CRB1: variants seen among roughly 807,000 people sequenced by gnomAD.
The protein encoded by CRB1 is protein crumbs homolog 1.
In CRB1, 83 loss-of-function variants were observed where a neutral mutation model predicts 120.0. That is an observed-to-expected ratio of 0.69 (90% CI 0.58 to 0.83). The LOEUF (loss-of-function observed/expected upper bound fraction) is 0.83. Among genes scored for constraint, CRB1 ranks in the 40% least tolerant of loss-of-function variants. CRB1 has a pLI of 0.00. For synonymous variants in CRB1, 625 were observed against 612.5 expected, an observed-to-expected ratio of 1.02 and a Z score of -0.30; for missense variants, 1,699 against 1,687.6, an observed-to-expected ratio of 1.01 and a Z score of -0.12.
intron 4 of CRB1, 21 bp downstream of exon 4, chr1:197,347,500 C>A: frequency 1.2e-6 from 2 of 1,612,426 alleles, no homozygotes; most frequent in African/African-American, 2.7e-5. Flanking sequence ...AAATACCTTC[C>A]ACCAATTATT....
At chr1:197,288,186 A>T (rs917560666) in intron 1 of CRB1, among the ~76,000 whole-genome samples, 8 of 151,828 alleles carry the variant, frequency 5.3e-5, no homozygotes, top group Admixed American at 5.3e-4. Context: ...ATATCAGCAC[A>T]TGCATGTAAG....
intron 5 of CRB1, among the ~76,000 whole-genome samples, chr1:197,397,666 A>C (rs1239574055): frequency 6.6e-6 from 1 of 152,188 alleles, no homozygotes; most frequent in African/African-American, 2.4e-5. Flanking sequence ...AACAACAAAG[A>C]ATAATCTCAA....
chr1:197,320,148 G>T (rs1229079439), intron 1 of CRB1, among the ~76,000 whole-genome samples: 4 of 152,174 alleles, frequency 2.6e-5, no homozygotes, highest in Admixed American at 1.3e-4. Flanking sequence ...TAGCCTTAAA[G>T]ATATGCATTT....
At chr1:197,397,935 G>T (rs2125426526) in intron 5 of CRB1, among the ~76,000 whole-genome samples, 1 of 152,194 alleles carries the variant, frequency 6.6e-6, no homozygotes, top group Non-Finnish European at 1.5e-5. Context: ...AATTATAAGT[G>T]AATTACATAT....
At chr1:197,255,615 G>A in the CRB1 span, among the ~76,000 whole-genome samples, 1 of 152,044 alleles carries the variant, frequency 6.6e-6, no homozygotes, top group South Asian at 2.1e-4. Flanking sequence ...TGCCTGTTTT[G>A]GAGAAAAAAG....
At chr1:197,257,013 C>T in the CRB1 span, among the ~76,000 whole-genome samples, 1 of 150,186 alleles carries the variant, frequency 6.7e-6, no homozygotes, top group African/African-American at 2.5e-5. Context: ...CCATGATATG[C>T]CATCTGCAAA....
At position 197,429,460 on chromosome 1, in the gene CRB1, T is replaced by A. The variant is rs62636273; in HGVS notation, c.2688T>A (p.Cys896Ter). ...TCTTTTCTGCTCAGTCCAACCCCTGTCACAATGGAGGTGTTTGCCATTCCC... is the reference window on the plus strand; with the variant it reads ...TCTTTTCTGCTCAGTCCAACCCCTGACACAATGGAGGTGTTTGCCATTCCC... ...AGDNSCKSNPCHNGGVCHSRW... is the reference protein window; with the variant it reads ...AGDNSCKSNP Residue 896 changes from cysteine (C) to a stop codon, truncating the protein, a stop_gained, in exon 8 of 12, where the codon TGT (cysteine) becomes TGA (stop). Transcript: ENST00000367400. LOFTEE classifies it high-confidence loss of function. 7.9e-5 allele frequency: 127 copies of A among 1,613,958 alleles called. No individual in the cohort carries two copies. Among genetic ancestry groups the A allele is most frequent in the Non-Finnish European group, 1.0e-4 (120 of 1,179,948 alleles).
the CRB1 span, among the ~76,000 whole-genome samples, chr1:197,226,977 A>G: frequency 6.6e-6 from 1 of 152,174 alleles, no homozygotes; most frequent in African/African-American, 2.4e-5. Flanking sequence ...GATTCAAATT[A>G]TCTCCCACCA....
At chr1:197,390,789 T>C (rs961842453) in intron 5 of CRB1, among the ~76,000 whole-genome samples, 3 of 152,086 alleles carry the variant, frequency 2.0e-5, no homozygotes, top group African/African-American at 4.8e-5. Context: ...AAGATAACTC[T>C]AGGAGCTTCT....
At chr1:197,300,175 T>C (rs536691083) in intron 1 of CRB1, among the ~76,000 whole-genome samples, 1 of 152,014 alleles carries the variant, frequency 6.6e-6, no homozygotes, top group African/African-American at 2.4e-5. Context: ...TTAATAACGC[T>C]TTCAATGTTC....
intron 3 of CRB1, among the ~76,000 whole-genome samples, chr1:197,345,436 G>A (rs905371598): frequency 6.7e-6 from 1 of 150,320 alleles, no homozygotes; most frequent in Admixed American, 6.6e-5. Context: ...TAATTTCAAA[G>A]TGAATCAGAG....
chr1:197,264,059 T>A (rs1654577165), upstream of CRB1, among the ~76,000 whole-genome samples: 1 of 152,156 alleles, frequency 6.6e-6, no homozygotes, highest in African/African-American at 2.4e-5. Context: ...AGTTTAGGCT[T>A]TTAGTGTATC....
intron 10 of CRB1, chr1:197,439,297 C>CA (rs1289994858): frequency 2.6e-5 from 4 of 156,232 alleles, no homozygotes; most frequent in African/African-American, 9.7e-5. Context: ...TTTATGTCCC[C>CA]AAAACAGTTA....
chr1:197,300,634 T>C (rs1656810552), intron 1 of CRB1, among the ~76,000 whole-genome samples: 2 of 152,232 alleles, frequency 1.3e-5, no homozygotes, highest in Admixed American at 1.3e-4. Flanking sequence ...CAGGTGCTAA[T>C]GTAAAGGTGC....
intron 3 of CRB1, among the ~76,000 whole-genome samples, chr1:197,345,112 AT>A (rs1483024224): frequency 6.6e-6 from 1 of 152,234 alleles, no homozygotes; most frequent in Non-Finnish European, 1.5e-5. Context: ...CATATAAAAC[AT>A]TTTTAAAAGA....
chr1:197,437,048 T>C (rs1033088741), intron 9 of CRB1, among the ~76,000 whole-genome samples: 1 of 152,150 alleles, frequency 6.6e-6, no homozygotes, highest in African/African-American at 2.4e-5. Flanking sequence ...ATGTAAGAAG[T>C]TATTATTGTT....
chr1:197,336,571 AG>A (rs1219756137), intron 2 of CRB1, among the ~76,000 whole-genome samples: 1 of 152,218 alleles, frequency 6.6e-6, no homozygotes, highest in African/African-American at 2.4e-5. Flanking sequence ...AGTCATTTGA[AG>A]TAGTTTTTAT....
the CRB1 span, among the ~76,000 whole-genome samples, chr1:197,258,385 G>C: frequency 3.3e-5 from 5 of 151,846 alleles, no homozygotes; most frequent in African/African-American, 1.2e-4. Context: ...CCCATCTTTT[G>C]GAAAGTGTAC....
At chr1:197,359,614 A>G (rs1038852068) in intron 5 of CRB1, among the ~76,000 whole-genome samples, 5 of 152,186 alleles carry the variant, frequency 3.3e-5, no homozygotes, top group African/African-American at 1.2e-4. Flanking sequence ...GTAAATGCCC[A>G]GGAGTAAAAT....
Sources: allele counts gnomAD v4.1 joint callset (sites outside exome capture counted in the v4.1 genomes callset), GRCh38; gene constraint gnomAD v4.1.1; transcripts MANE v1.5; gene names NCBI Gene and HGNC (gene_info 2026-07-23, HGNC 2026-07-21).